The following CTNNA3 variants were observed in gnomAD, a reference collection of about 807,000 sequenced individuals.
CTNNA3 encodes catenin alpha 3.
Under a neutral mutation model 95.7 loss-of-function variants are expected in CTNNA3, and 76 were observed. The ratio of observed to expected loss-of-function variants is 0.79; its 90% CI spans 0.66 to 0.96. The LOEUF is 0.96. Among genes scored for constraint, CTNNA3 ranks in the 40% least tolerant of loss-of-function variants. The pLI is 0.00. For missense variants in CTNNA3, 1,191 were observed against 1,089.8 expected (o/e 1.09, Z -1.31); for synonymous variants, 431 against 374.4 (o/e 1.15, Z -1.74).
intron 11 of CTNNA3, among the ~76,000 whole-genome samples, chr10:66,481,672 C>T (rs1839540084): frequency 1.5e-5 from 2 of 135,134 alleles, no homozygotes; most frequent in Non-Finnish European, 1.5e-5. Flanking sequence ...GGGGTTTCAC[C>T]GTGTTAGCCA....
intron 2 of CTNNA3, among the ~76,000 whole-genome samples, chr10:67,620,923 G>GTGTATATATATATATATATATA (rs1402402526): frequency 3.8e-4 from 47 of 123,802 alleles, no homozygotes; most frequent in African/African-American, 8.0e-4. Flanking sequence ...GTGTGTGTGT[G>GTGTATATATATATATATATATA]TATATATATA....
chr10:67,481,889 G>A (rs1002134165), intron 5 of CTNNA3, among the ~76,000 whole-genome samples: 11 of 152,026 alleles, frequency 7.2e-5, no homozygotes, highest in African/African-American at 2.7e-4. Flanking sequence ...TAGGTCTAAT[G>A]TTTAAGTCTT....
rs559166979 is a variant in CTNNA3, at chr10:66,640,170, G to C, written c.1282-18386C>G. 1.4e-3 allele frequency among the ~76,000 whole-genome samples: 214 copies of C among 152,212 alleles called. 1 individual carries two copies. The highest frequency in any genetic ancestry group is 5.1e-3 in the African/African-American group (210 of 41,550). On this transcript the variant is annotated intron_variant, in intron 9 of 17. Coordinates refer to ENST00000433211, the MANE Select transcript of CTNNA3 (RefSeq NM_013266.4). ...TGCCTACTCTCAACTCCTCTTTCCT[G>C]TGTCTTTTCTCCCCTCTATTGCATA...
At chr10:67,092,276 G>A (rs959288178) in intron 7 of CTNNA3, among the ~76,000 whole-genome samples, 1 of 151,760 alleles carries the variant, frequency 6.6e-6, no homozygotes, top group Admixed American at 6.6e-5. Flanking sequence ...TGATATATGA[G>A]GAGAGCATGA....
rs774526439 is a variant in CTNNA3, at chr10:66,433,013, G to A, written c.1532-53661C>T. 1.5e-3 allele frequency among the ~76,000 whole-genome samples: 226 copies of A among 152,292 alleles called. 1 individual carries two copies. Among genetic ancestry groups the A allele is most frequent in the Middle Eastern group, 3.4e-3 (1 of 294 alleles). Reference sequence around the variant, plus strand: ...TTATGGCTGCATAGTATTCTATGGTGTATATGTGCCACATTTTCTTGAGCC... The same window carrying A: ...TTATGGCTGCATAGTATTCTATGGTATATATGTGCCACATTTTCTTGAGCC... On this transcript the variant is annotated intron_variant, in intron 11 of 17. Coordinates refer to ENST00000433211, the MANE Select transcript of CTNNA3 (RefSeq NM_013266.4).
At chr10:67,573,353 C>G (rs1017919849) in intron 3 of CTNNA3, among the ~76,000 whole-genome samples, 2 of 152,048 alleles carry the variant, frequency 1.3e-5, no homozygotes, top group Admixed American at 1.3e-4. Context: ...GAAAAGGAAG[C>G]AAGTGCAAAA....
At chr10:67,747,585 T>G (rs1841380645) in intron 1 of CTNNA3, among the ~76,000 whole-genome samples, 1 of 152,070 alleles carries the variant, frequency 6.6e-6, no homozygotes, top group Admixed American at 6.6e-5. Flanking sequence ...CAAAAAGGTC[T>G]TCACAAAAAC....
intron 13 of CTNNA3, among the ~76,000 whole-genome samples, chr10:66,143,800 C>T (rs2083735040): frequency 6.6e-6 from 1 of 152,182 alleles, no homozygotes; most frequent in Non-Finnish European, 1.5e-5. Context: ...GCCACACAGA[C>T]ACTTTAATGT....
intron 11 of CTNNA3, among the ~76,000 whole-genome samples, chr10:66,492,352 T>G (rs762826921): frequency 6.6e-6 from 1 of 152,226 alleles, no homozygotes; most frequent in Non-Finnish European, 1.5e-5. Flanking sequence ...GGTGCAATCA[T>G]AGCTCACTGT....
chr10:66,111,176 A>G (rs1303871036), intron 13 of CTNNA3, among the ~76,000 whole-genome samples: 1 of 152,068 alleles, frequency 6.6e-6, no homozygotes, highest in Non-Finnish European at 1.5e-5. Context: ...CATGATAGTG[A>G]GTGAGTTTCC....
At chr10:67,734,696 A>G (rs1188395440) in intron 1 of CTNNA3, among the ~76,000 whole-genome samples, 1 of 152,168 alleles carries the variant, frequency 6.6e-6, no homozygotes, top group Non-Finnish European at 1.5e-5. Context: ...CTGGAGGGCA[A>G]TTTGGCACTA....
At chr10:66,721,149 G>A (rs1315686613) in intron 9 of CTNNA3, among the ~76,000 whole-genome samples, 1 of 152,168 alleles carries the variant, frequency 6.6e-6, no homozygotes, top group African/African-American at 2.4e-5. Context: ...TTCAGATACT[G>A]CAGGGAGAGG....
chr10:66,364,410 C>T (rs2092697359), intron 12 of CTNNA3, among the ~76,000 whole-genome samples: 1 of 151,772 alleles, frequency 6.6e-6, no homozygotes, highest in Admixed American at 6.6e-5. Flanking sequence ...AAAAAAATTA[C>T]ATCGACAAAA....
At chr10:66,592,986 G>A (rs1238037258) in intron 10 of CTNNA3, among the ~76,000 whole-genome samples, 2 of 152,150 alleles carry the variant, frequency 1.3e-5, no homozygotes, top group African/African-American at 4.8e-5. Flanking sequence ...TATGGACAAT[G>A]AAGAAGAAGG....
chr10:67,322,319 C>T (rs1415902755), intron 5 of CTNNA3, among the ~76,000 whole-genome samples: 1 of 152,096 alleles, frequency 6.6e-6, no homozygotes, highest in East Asian at 1.9e-4. Flanking sequence ...ATTATTTCAT[C>T]ACCCAGGTAT....
At chr10:67,437,637 C>A (rs1256207475) in intron 5 of CTNNA3, among the ~76,000 whole-genome samples, 1 of 151,828 alleles carries the variant, frequency 6.6e-6, no homozygotes, top group Non-Finnish European at 1.5e-5. Flanking sequence ...AAATTTTTCA[C>A]TTTGTCTTTC....
At chr10:66,112,472 T>C (rs188448608) in intron 13 of CTNNA3, among the ~76,000 whole-genome samples, 2 of 152,300 alleles carry the variant, frequency 1.3e-5, no homozygotes, top group Admixed American at 1.3e-4. Flanking sequence ...ATTATCAGTA[T>C]TGTATTAACA....
chr10:66,647,724 T>A (rs1369025203), intron 9 of CTNNA3, among the ~76,000 whole-genome samples: 1 of 151,822 alleles, frequency 6.6e-6, no homozygotes, highest in East Asian at 1.9e-4. Flanking sequence ...TTTCACCTTG[T>A]TAGCCAGGAT....
At chr10:66,806,456 G>A (rs1240320384) in intron 7 of CTNNA3, among the ~76,000 whole-genome samples, 1 of 151,996 alleles carries the variant, frequency 6.6e-6, no homozygotes, top group East Asian at 1.9e-4. Context: ...ACTGTACTAT[G>A]TTGTACACTT....
Sources: allele counts gnomAD v4.1 joint callset (sites outside exome capture counted in the v4.1 genomes callset), GRCh38; gene constraint gnomAD v4.1.1; transcripts MANE v1.5; gene names NCBI Gene and HGNC (gene_info 2026-07-23, HGNC 2026-07-21).